The following AK5 variants were observed in gnomAD, a reference collection of about 807,000 sequenced individuals.
AK5 encodes the protein adenylate kinase isoenzyme 5.
In AK5, 27 loss-of-function variants were observed where a neutral mutation model predicts 69.5. The observed-to-expected ratio is 0.39, with a 90% CI of 0.29 to 0.54. The LOEUF is 0.54. Among genes scored for constraint, AK5 ranks in the 20% least tolerant of loss-of-function variants. The pLI is 0.71. For missense variants in AK5, 531 were observed against 700.4 expected, an observed-to-expected ratio of 0.76 and a Z score of 2.73; for synonymous variants, 260 against 244.4, an observed-to-expected ratio of 1.06 and a Z score of -0.60.
intron 9 of AK5, among the ~76,000 whole-genome samples, chr1:77,485,773 A>C (rs1266990335): frequency 6.6e-6 from 1 of 152,114 alleles, no homozygotes; most frequent in Admixed American, 6.5e-5. Flanking sequence ...TTGCCACCAA[A>C]AGTTGATCGT....
rs967312800 is a variant in AK5 at position 77,340,503 on chromosome 1, A to G, written c.826A>G (p.Met276Val). 2 of 1,614,052 alleles carry G rather than the reference A, an allele frequency of 1.2e-6. No homozygotes were observed. The highest frequency in any genetic ancestry group is 1.3e-5 in the African/African-American group (1 of 74,932). The change falls in exon 6 of 14, where the codon ATG (methionine) becomes GTG (valine). Residue 276 changes from methionine (M) to valine (V), a missense_variant. Transcript: ENST00000354567. ...TGTAAAAGCTACCCAAAGGAGACTA[A>G]TGAACTTCAAGCAGAATGCTGCTCC... Reference protein sequence around the residue: ...DNVKATQRRLMNFKQNAAPLV... With the variant: ...DNVKATQRRLVNFKQNAAPLV...
intron 6 of AK5, among the ~76,000 whole-genome samples, chr1:77,378,635 T>A: frequency 6.6e-6 from 1 of 152,192 alleles, no homozygotes; most frequent in Non-Finnish European, 1.5e-5. Context: ...TAATAGTATT[T>A]GAAGGCAGAC....
chr1:77,530,738 C>T (rs2100341554), intron 12 of AK5, among the ~76,000 whole-genome samples: 1 of 152,256 alleles, frequency 6.6e-6, no homozygotes, highest in East Asian at 1.9e-4. Context: ...GAAACTGAGG[C>T]ATACACCAAG....
At chr1:77,551,439 G>A (rs1659818314) in intron 13 of AK5, among the ~76,000 whole-genome samples, 1 of 152,096 alleles carries the variant, frequency 6.6e-6, no homozygotes, top group South Asian at 2.1e-4. Flanking sequence ...CTCCACAGGG[G>A]CAAGCACTAC....
At chr1:77,360,971 A>G (rs1303844626) in intron 6 of AK5, among the ~76,000 whole-genome samples, 1 of 152,164 alleles carries the variant, frequency 6.6e-6, no homozygotes, top group Non-Finnish European at 1.5e-5. Flanking sequence ...GTGACAAAAT[A>G]CAGTCCAGAA....
chr1:77,330,739 A>G (rs867967790), intron 5 of AK5, among the ~76,000 whole-genome samples: 13 of 152,262 alleles, frequency 8.5e-5, no homozygotes, highest in Middle Eastern at 3.4e-3. Context: ...CAATTTCTGT[A>G]TCCCTCCCCA....
At chr1:77,473,592 C>T (rs146677698) in intron 8 of AK5, among the ~76,000 whole-genome samples, 225 of 152,288 alleles carry the variant, frequency 1.5e-3, no homozygotes, top group Non-Finnish European at 2.6e-3. Context: ...CTTCTTCCTT[C>T]TGGAGAAATC....
At chr1:77,455,114 G>A (rs1419068905) in intron 8 of AK5, among the ~76,000 whole-genome samples, 1 of 152,166 alleles carries the variant, frequency 6.6e-6, no homozygotes, top group East Asian at 1.9e-4. Context: ...CCGTTTCATA[G>A]ATGAGAAAAC....
intron 13 of AK5, among the ~76,000 whole-genome samples, chr1:77,547,479 G>A (rs1275716913): frequency 1.3e-5 from 2 of 151,946 alleles, no homozygotes; most frequent in Admixed American, 6.6e-5. Flanking sequence ...TCGCCATGTT[G>A]GCCATGATGG....
intron 6 of AK5, among the ~76,000 whole-genome samples, chr1:77,354,874 T>C (rs1459731966): frequency 6.6e-6 from 1 of 152,164 alleles, no homozygotes; most frequent in Non-Finnish European, 1.5e-5. Flanking sequence ...GATTTTTTTG[T>C]AAAGAAAAAA....
intron 12 of AK5, among the ~76,000 whole-genome samples, chr1:77,535,300 T>G (rs1658897402): frequency 6.6e-6 from 1 of 152,122 alleles, no homozygotes; most frequent in Non-Finnish European, 1.5e-5. Flanking sequence ...TAAAGTGAGA[T>G]AACGAATTGA....
At chr1:77,357,782 C>G (rs900129924) in intron 6 of AK5, among the ~76,000 whole-genome samples, 5 of 152,184 alleles carry the variant, frequency 3.3e-5, no homozygotes, top group Admixed American at 3.3e-4. Context: ...GAAGAAATGT[C>G]AACCACAAAT....
At chr1:77,330,596 A>G (rs574061583) in intron 5 of AK5, among the ~76,000 whole-genome samples, 23 of 152,310 alleles carry the variant, frequency 1.5e-4, no homozygotes, top group Admixed American at 1.2e-3. Context: ...CTTCTGTTCC[A>G]GTGTTCTACT....
rs551920617 is a variant in AK5 at position 77,298,402 on chromosome 1, A to G, written c.699+455A>G. ...TCAGTTGCCAAAATTTGAGTAGGCTATGCCTGCTCAACCCCCAATACATCT... is the reference window on the plus strand; with the variant it reads ...TCAGTTGCCAAAATTTGAGTAGGCTGTGCCTGCTCAACCCCCAATACATCT... On this transcript the variant is annotated intron_variant, in intron 5 of 13. Coordinates refer to ENST00000354567, the MANE Select transcript of AK5 (RefSeq NM_174858.3). Among the ~76,000 whole-genome samples, 19 of 152,214 alleles carry G rather than the reference A, an allele frequency of 1.2e-4. No homozygotes were observed. In the South Asian group the frequency reaches 3.9e-3, roughly 32 times the overall value.
chr1:77,392,638 C>T (rs1236899356), intron 6 of AK5, among the ~76,000 whole-genome samples: 1 of 152,136 alleles, frequency 6.6e-6, no homozygotes, highest in East Asian at 1.9e-4. Flanking sequence ...TTAATTGTGA[C>T]TGGCAAACAC....
chr1:77,511,318 A>C (rs1291503710), intron 10 of AK5, among the ~76,000 whole-genome samples: 1 of 152,174 alleles, frequency 6.6e-6, no homozygotes, highest in Non-Finnish European at 1.5e-5. Context: ...AGAGGGTATC[A>C]AGTTATCTGT....
intron 6 of AK5, among the ~76,000 whole-genome samples, chr1:77,389,001 C>G (rs1007205444): frequency 2.6e-5 from 4 of 152,116 alleles, no homozygotes; most frequent in African/African-American, 9.7e-5. Flanking sequence ...ACTACCTTGT[C>G]TGGAAAAAAG....
chr1:77,400,287 C>T (rs1649120299), intron 6 of AK5, among the ~76,000 whole-genome samples: 1 of 152,066 alleles, frequency 6.6e-6, no homozygotes, highest in Non-Finnish European at 1.5e-5. Flanking sequence ...GGATTTGGAT[C>T]CTGGCTCTGC....
chr1:77,352,194 C>T (rs1257291393), intron 6 of AK5, among the ~76,000 whole-genome samples: 4 of 152,138 alleles, frequency 2.6e-5, no homozygotes, highest in Non-Finnish European at 5.9e-5. Flanking sequence ...TCCCAAAGTG[C>T]TGGAATTAAA....
Sources: allele counts gnomAD v4.1 joint callset (sites outside exome capture counted in the v4.1 genomes callset), GRCh38; gene constraint gnomAD v4.1.1; transcripts MANE v1.5; gene names NCBI Gene and HGNC (gene_info 2026-07-23, HGNC 2026-07-21).